The following RSRC1 variants were observed in gnomAD, a reference collection of about 807,000 sequenced individuals.
The protein encoded by RSRC1 is arginine and serine rich coiled-coil 1, also known as serine/Arginine-related protein 53.
Under a neutral mutation model 49.1 loss-of-function variants are expected in RSRC1, and 39 were observed. The ratio of observed to expected loss-of-function variants is 0.79; its 90% CI spans 0.61 to 1.04. The LOEUF is 1.04. Ranked by LOEUF, RSRC1 falls within the 50% of genes least tolerant of loss-of-function variation. RSRC1 has a pLI of 0.00. For missense variants in RSRC1, 388 were observed against 402.4 expected, an observed-to-expected ratio of 0.96 and a Z score of 0.31; for synonymous variants, 143 against 130.8, an observed-to-expected ratio of 1.09 and a Z score of -0.63.
At chr3:158,417,366 G>A (rs1434654395) in intron 6 of RSRC1, among the ~76,000 whole-genome samples, 2 of 151,982 alleles carry the variant, frequency 1.3e-5, no homozygotes, top group Non-Finnish European at 2.9e-5. Context: ...AGAAATCTCT[G>A]CTTCACATGC....
chr3:158,285,424 T>C (rs1159059038), intron 4 of RSRC1, among the ~76,000 whole-genome samples: 1 of 152,270 alleles, frequency 6.6e-6, no homozygotes, highest in African/African-American at 2.4e-5. Flanking sequence ...TTGCCAATTC[T>C]GTGAAGAAAG....
At chr3:158,342,088 A>G (rs1439114518) in intron 5 of RSRC1, among the ~76,000 whole-genome samples, 2 of 152,140 alleles carry the variant, frequency 1.3e-5, no homozygotes, top group Non-Finnish European at 2.9e-5. Flanking sequence ...TTTCGATTTT[A>G]CAGGCTTATA....
intron 4 of RSRC1, among the ~76,000 whole-genome samples, chr3:158,224,413 A>G (rs774411530): frequency 1.3e-5 from 2 of 151,844 alleles, no homozygotes; most frequent in Non-Finnish European, 2.9e-5. Flanking sequence ...GTATGTTTAT[A>G]ATAGTGTTCA....
intron 6 of RSRC1, among the ~76,000 whole-genome samples, chr3:158,446,350 G>A (rs1160677299): frequency 6.7e-6 from 1 of 150,186 alleles, no homozygotes; most frequent in East Asian, 2.0e-4. Context: ...ACTATACTGT[G>A]TTACTTTTTT....
At chr3:158,118,326 T>C (rs1026759384) in intron 1 of RSRC1, among the ~76,000 whole-genome samples, 8 of 151,880 alleles carry the variant, frequency 5.3e-5, no homozygotes, top group Non-Finnish European at 8.8e-5. Flanking sequence ...TCATATCTTT[T>C]GGACTCAAGG....
At chr3:158,491,024 T>C (rs1238990044) in intron 7 of RSRC1, among the ~76,000 whole-genome samples, 1 of 152,254 alleles carries the variant, frequency 6.6e-6, no homozygotes, top group East Asian at 1.9e-4. Flanking sequence ...CTGATATTTA[T>C]GAGGTCAGTA....
chr3:158,261,213 T>C (rs888474574), intron 4 of RSRC1, among the ~76,000 whole-genome samples: 2 of 152,238 alleles, frequency 1.3e-5, no homozygotes, highest in African/African-American at 4.8e-5. Context: ...TTGTGCCATA[T>C]TACAATTCTG....
At chr3:158,198,730 A>G (rs1034001074) in intron 3 of RSRC1, among the ~76,000 whole-genome samples, 3 of 152,142 alleles carry the variant, frequency 2.0e-5, no homozygotes, top group Non-Finnish European at 2.9e-5. Flanking sequence ...TTGGAAATGC[A>G]GAAATCACCC....
chr3:158,276,143 C>CT (rs2108065843), intron 4 of RSRC1: 3 of 929,042 alleles, frequency 3.2e-6, no homozygotes, highest in African/African-American at 1.6e-5. Flanking sequence ...TGTGAGCAAA[C>CT]TTTAGCTGGT....
rs1244365116 is a variant in RSRC1, at chr3:158,244,454, C to T, written c.494+41209C>T. Reference sequence around the variant, plus strand: ...CTTTGCATATGTTGAACCAGCCTTGCATGCCAGGGATGAAGCCTGCTTGAT... The same window carrying T: ...CTTTGCATATGTTGAACCAGCCTTGTATGCCAGGGATGAAGCCTGCTTGAT... On this transcript the variant is annotated intron_variant, in intron 4 of 9. Coordinates refer to ENST00000611884, the MANE Select transcript of RSRC1 (RefSeq NM_001271838.2). Among the ~76,000 whole-genome samples, 4 of 152,152 alleles carry T rather than the reference C, an allele frequency of 2.6e-5. No individual in the cohort carries two copies. The East Asian group carries it at 7.7e-4, about 29-fold the overall frequency.
In RSRC1 at chr3:158,142,012, C is replaced by G. The variant is rs1024106883; in HGVS notation, c.320+18021C>G. On this transcript the variant is annotated intron_variant, in intron 3 of 9. Transcript: ENST00000611884. ...ACTCTGGAGGCTGAGGCAGGAGAAT[C>G]GCTTGAACCGAGGAGGCAGAGGTTG... 2.0e-5 allele frequency among the ~76,000 whole-genome samples: 3 copies of G among 152,092 alleles called. No homozygotes were observed. The East Asian group carries it at 5.8e-4, about 29-fold the overall frequency.
intron 7 of RSRC1, among the ~76,000 whole-genome samples, chr3:158,475,110 C>T (rs896404416): frequency 2.6e-4 from 40 of 152,008 alleles, no homozygotes; most frequent in African/African-American, 9.6e-4. Context: ...TTTTTGTAGA[C>T]ATGAGGTCTC....
chr3:158,290,104 A>G (rs985807219), intron 4 of RSRC1, among the ~76,000 whole-genome samples: 3 of 152,140 alleles, frequency 2.0e-5, no homozygotes, highest in Non-Finnish European at 4.4e-5. Context: ...TTGGTCCATT[A>G]TTAGGCTGTT....
intron 3 of RSRC1, among the ~76,000 whole-genome samples, chr3:158,149,367 C>G (rs1717370752): frequency 2.0e-5 from 3 of 152,068 alleles, no homozygotes; most frequent in African/African-American, 7.2e-5. Flanking sequence ...TGAGCTATAT[C>G]AAGGGTTGCT....
rs557266542 is a variant in RSRC1, at chr3:158,344,222, G to A, written c.532-10635G>A. Among the ~76,000 whole-genome samples the A allele has an allele frequency of 3.9e-5, 6 of 152,264 alleles. No homozygotes were observed. The South Asian group carries it at 1.0e-3, about 26-fold the overall frequency. ...TGTGGTGAGCTGAGATAGTGCCATT[G>A]CACTTCAGCCTAGCCGACAGAGCAA... On this transcript the variant is annotated intron_variant, in intron 5 of 9. Coordinates refer to ENST00000611884, the MANE Select transcript of RSRC1 (RefSeq NM_001271838.2).
At chr3:158,202,336 A>G (rs1721091960) in intron 3 of RSRC1, among the ~76,000 whole-genome samples, 1 of 151,690 alleles carries the variant, frequency 6.6e-6, no homozygotes, top group Non-Finnish European at 1.5e-5. Flanking sequence ...TATATTTAAT[A>G]TTCACTAAGT....
intron 6 of RSRC1, among the ~76,000 whole-genome samples, chr3:158,405,567 A>G (rs752904485): frequency 1.2e-4 from 18 of 152,120 alleles, no homozygotes; most frequent in African/African-American, 4.3e-4. Context: ...GAGATTTTCA[A>G]TTTTAACATG....
intron 6 of RSRC1, among the ~76,000 whole-genome samples, chr3:158,356,776 AGCACAGAAAACATTTGTTTCCACAAAT>A (rs1731185670): frequency 6.6e-6 from 1 of 152,126 alleles, no homozygotes; most frequent in African/African-American, 2.4e-5. Context: ...TATGTTGCTT[AGCACAGAAAACATTTGTTTCCACAAAT>A]GCAATTTTAA....
At chr3:158,418,162 TAACATCCTCAAGATCATAATTG>T (rs1734848466) in intron 6 of RSRC1, among the ~76,000 whole-genome samples, 1 of 152,028 alleles carries the variant, frequency 6.6e-6, no homozygotes, top group Admixed American at 6.6e-5. Flanking sequence ...ATGTAGTATA[TAACATCCTCAAGATCATAATTG>T]CAAGAAATGC....
Sources: gnomAD v4.1 joint callset for allele counts (sites outside exome capture counted in the v4.1 genomes callset) on GRCh38, gnomAD v4.1.1 for gene constraint, MANE v1.5 for transcripts, NCBI Gene and HGNC (gene_info 2026-07-23, HGNC 2026-07-21) for gene names.